Variants in ZC3H12B observed in about 807,000 individuals in gnomAD.
ZC3H12B encodes probable ribonuclease ZC3H12B.
In ZC3H12B, 7 loss-of-function variants were observed where a neutral mutation model predicts 43.9. That is an observed-to-expected ratio of 0.16 (90% confidence interval 0.09 to 0.30). The LOEUF (loss-of-function observed/expected upper bound fraction) is 0.30. Ranked by LOEUF, ZC3H12B falls within the 10% of genes least tolerant of loss-of-function variation. The probability of loss-of-function intolerance (pLI) is 1.00; values close to 1 mark genes in which losing one functional copy is unlikely to be tolerated. For missense variants in ZC3H12B, 475 were observed against 670.2 expected (o/e 0.71, Z 3.22); for synonymous variants, 222 against 241.7 (o/e 0.92, Z 0.76).
chrX:65,117,027 C>G, the ZC3H12B span, among the ~76,000 whole-genome samples: 1 of 111,892 alleles, frequency 8.9e-6, no homozygotes, highest in Non-Finnish European at 1.9e-5. Flanking sequence ...CATACATGTG[C>G]ATGTGTCTTT....
At chrX:65,289,098 A>G in the ZC3H12B span, among the ~76,000 whole-genome samples, 2 of 111,411 alleles carry the variant, frequency 1.8e-5, no homozygotes, top group African/African-American at 3.3e-5. Context: ...AATATGACAT[A>G]ATCAAATGAA....
chrX:65,232,379 G>T, the ZC3H12B span, among the ~76,000 whole-genome samples: 10 of 111,298 alleles, frequency 9.0e-5, no homozygotes, highest in African/African-American at 2.9e-4. Context: ...CTCCGTTCGG[G>T]GTCCCTGACT....
At chrX:65,418,847 G>A (rs971390469) in intron 3 of ZC3H12B, among the ~76,000 whole-genome samples, 1 of 111,377 alleles carries the variant, frequency 9.0e-6, no homozygotes, top group African/African-American at 3.3e-5. Context: ...GAAGAACCCT[G>A]GTATACTACT....
At chrX:65,232,822 G>A in the ZC3H12B span, among the ~76,000 whole-genome samples, 1 of 109,974 alleles carries the variant, frequency 9.1e-6, no homozygotes, top group Non-Finnish European at 1.9e-5. Context: ...AAAAAAAAAA[G>A]ACTCGACTAT....
At chrX:65,491,984 T>A (rs1196858279) in intron 1 of ZC3H12B, among the ~76,000 whole-genome samples, 1 of 110,268 alleles carries the variant, frequency 9.1e-6, no homozygotes, top group Non-Finnish European at 1.9e-5. Flanking sequence ...GCCAAAGGTG[T>A]CTCTGCTCCC....
At chrX:65,412,904 A>C (rs1362418983) in intron 3 of ZC3H12B, among the ~76,000 whole-genome samples, 1 of 111,365 alleles carries the variant, frequency 9.0e-6, no homozygotes, top group Non-Finnish European at 1.9e-5. Flanking sequence ...ACCAATTCAC[A>C]TTTCCACCAG....
the ZC3H12B span, among the ~76,000 whole-genome samples, chrX:65,293,768 G>T: frequency 9.0e-6 from 1 of 111,107 alleles, no homozygotes; most frequent in Non-Finnish European, 1.9e-5. Context: ...AGAGTTCGAA[G>T]ACAAGGCTTT....
chrX:65,382,855 T>G (rs2066463377), intron 2 of ZC3H12B, among the ~76,000 whole-genome samples: 2 of 111,264 alleles, frequency 1.8e-5, no homozygotes, highest in South Asian at 7.6e-4. Flanking sequence ...CATTCACAAT[T>G]GCTTCCAAGA....
the ZC3H12B span, among the ~76,000 whole-genome samples, chrX:65,276,529 AG>A: frequency 8.9e-6 from 1 of 112,033 alleles, no homozygotes; most frequent in Admixed American, 9.5e-5. Flanking sequence ...GCCAGGATAA[AG>A]TGAGATGATA....
At chrX:65,133,545 A>G in the ZC3H12B span, among the ~76,000 whole-genome samples, 1 of 111,712 alleles carries the variant, frequency 9.0e-6, no homozygotes, top group Non-Finnish European at 1.9e-5. Flanking sequence ...GACCTTGGCT[A>G]TGCCTTCAGC....
intron 3 of ZC3H12B, chrX:65,469,455 A>G: frequency 2.3e-6 from 1 of 431,996 alleles, no homozygotes; most frequent in South Asian, 3.7e-5. Flanking sequence ...CAATGACTCC[A>G]TGCTCTTCGA....
At position 65,463,884 on chromosome X, in the gene ZC3H12B, T is replaced by G. The variant is rs149996916; in HGVS notation, n.408-24762T>G. Among the ~76,000 whole-genome samples, 3 of 111,136 alleles carry G rather than the reference T, an allele frequency of 2.7e-5. No individual in the cohort carries two copies. The East Asian group carries it at 8.4e-4, about 31-fold the overall frequency. On this transcript the variant is annotated intron_variant and non_coding_transcript_variant, in intron 3 of 5. Transcript: ENST00000617377. ...CCCACTGCTGAAGCCATGAGCTAGT[T>G]GCTTTTTCCCAGTTTTGCCAAGCTG...
chrX:65,092,204 A>G, the ZC3H12B span, among the ~76,000 whole-genome samples: 2 of 111,920 alleles, frequency 1.8e-5, no homozygotes, highest in African/African-American at 6.5e-5. Flanking sequence ...TGCTTCCTGT[A>G]CAGCCTGTGG....
intron 2 of ZC3H12B, among the ~76,000 whole-genome samples, chrX:65,395,485 CTTTG>C (rs1410944662): frequency 1.8e-5 from 2 of 112,276 alleles, no homozygotes; most frequent in East Asian, 2.8e-4. Context: ...TTGTCGCTGG[CTTTG>C]TTTATGTGAT....
intron 3 of ZC3H12B, among the ~76,000 whole-genome samples, chrX:65,440,233 G>A (rs918059807): frequency 5.4e-5 from 6 of 112,018 alleles, no homozygotes; most frequent in Non-Finnish European, 1.1e-4. Flanking sequence ...TTCAGTCAAA[G>A]GTCCTGGAAG....
intron 3 of ZC3H12B, among the ~76,000 whole-genome samples, chrX:65,450,312 A>ATAT (rs1345651277): frequency 1.2e-5 from 1 of 86,787 alleles, no homozygotes; most frequent in Non-Finnish European, 2.2e-5. Context: ...TCAAAAAAAA[A>ATAT]ATATATATAT....
chrX:65,350,287 C>T, the ZC3H12B span, among the ~76,000 whole-genome samples: 1 of 111,089 alleles, frequency 9.0e-6, no homozygotes, highest in Non-Finnish European at 1.9e-5. Context: ...CAAAATTCAA[C>T]ACCCCCCATG....
chrX:65,198,508 A>G, the ZC3H12B span, among the ~76,000 whole-genome samples: 1 of 111,948 alleles, frequency 8.9e-6, no homozygotes, highest in Non-Finnish European at 1.9e-5. Flanking sequence ...TTTTTGGTGC[A>G]TATACTATTC....
At chrX:65,500,040 T>C in intron 4 of ZC3H12B, 51 bp downstream of exon 9, 2 of 944,971 alleles carry the variant, frequency 2.1e-6, no homozygotes, top group South Asian at 2.1e-5. Flanking sequence ...AACATAAGGA[T>C]TCTGTGAACA....
Sources: gnomAD v4.1 joint callset for allele counts (sites outside exome capture counted in the v4.1 genomes callset) on GRCh38, gnomAD v4.1.1 for gene constraint, MANE v1.5 for transcripts, NCBI Gene and HGNC (gene_info 2026-07-23, HGNC 2026-07-21) for gene names.